Variants in TRAF2 observed in about 807,000 individuals in gnomAD.
The protein encoded by TRAF2 is TNF receptor associated factor 2, also known as TNF receptor-associated factor 2.
TRAF2 carries 6 observed loss-of-function variants against 55.6 expected under a neutral mutation model. That is an observed-to-expected ratio of 0.11 (90% CI 0.06 to 0.21). The LOEUF is 0.21. TRAF2 is among the 10% of genes least tolerant of loss of function. TRAF2 has a pLI of 1.00. For missense variants in TRAF2, 561 were observed against 684.5 expected (o/e 0.82, Z 2.01); for synonymous variants, 329 against 276.3 (o/e 1.19, Z -1.89).
In TRAF2 at chr9:136,898,814, G is replaced by A. The variant is rs770920993; in HGVS notation, c.74G>A (p.Gly25Glu). Residue 25 changes from glycine (G) to glutamate (E), a missense_variant, in exon 2 of 11, where the codon GGG becomes GAG. Coordinates refer to ENST00000247668, the MANE Select transcript of TRAF2 (RefSeq NM_021138.4). ...LQPGFSKTLL[G>E]TKLEAKYLCS... ...CCCGGCTTCTCCAAGACCCTCCTGG[G>A]GACCAAGCTGGAAGCCAAGTACCTG... 6.2e-6 allele frequency: 10 copies of A among 1,613,758 alleles called. No individual in the cohort carries two copies. Among genetic ancestry groups the A allele is most frequent in the Non-Finnish European group, 1.7e-6 (2 of 1,180,038 alleles).
intron 9 of TRAF2, among the ~76,000 whole-genome samples, chr9:136,921,779 G>A (rs986241586): frequency 1.3e-5 from 2 of 152,102 alleles, no homozygotes; most frequent in African/African-American, 4.8e-5. Flanking sequence ...CTGGAGAGGG[G>A]GTGGGGTGGT....
rs117547743 is a variant in TRAF2 at position 136,905,492 on chromosome 9, T to C, written c.367-2578T>C. The stretch of plus-strand genomic sequence containing the variant: ...GGGACAGGGTTTCAGGTTTCTACAA[T>C]GGGAAAGCGTGATGGAGGTAGATGG... On this transcript the variant is annotated intron_variant, in intron 4 of 10. Coordinates refer to ENST00000247668, the MANE Select transcript of TRAF2 (RefSeq NM_021138.4). Among the ~76,000 whole-genome samples, 9 of 152,246 alleles carry C rather than the reference T, an allele frequency of 5.9e-5. No individual in the cohort carries two copies. In the East Asian group the frequency reaches 1.7e-3, roughly 29 times the overall value.
At chr9:136,920,949 T>A in intron 8 of TRAF2, 89 bp from the exon 9 acceptor site, 4 of 1,515,628 alleles carry the variant, frequency 2.6e-6, no homozygotes, top group South Asian at 1.2e-5. Context: ...CCAAGAGCAC[T>A]GTCCTGCTGG....
intron 1 of TRAF2, among the ~76,000 whole-genome samples, chr9:136,889,215 TTC>T (rs1849523018): frequency 6.7e-6 from 1 of 150,288 alleles, no homozygotes; most frequent in Non-Finnish European, 1.5e-5. Context: ...GTGTGGTTTT[TTC>T]TGTTTTTTTT....
chr9:136,890,127 T>C lies in TRAF2; in HGVS notation c.-29+3586T>C, dbSNP rs1443241450. On this transcript the variant is annotated intron_variant, in intron 1 of 10. Transcript: ENST00000247668. ...CCGGTCACCGCGTGTGAGTCCCCAC[T>C]GCACGCTCGTTCAGCCGGTCACCGT... Among the ~76,000 whole-genome samples, 248 of 99,664 alleles carry C rather than the reference T, an allele frequency of 2.5e-3. 4 individuals are homozygous for C. The highest frequency in any genetic ancestry group is 7.5e-3 in the Middle Eastern group (1 of 134). The allele number at this position is 99,664 out of a possible 152,430, so 65.4% of individuals were successfully genotyped here. A position where few individuals can be genotyped will look rare whatever the true frequency, so the allele number is the denominator to read the frequency against.
chr9:136,925,956 G>T lies in TRAF2; in HGVS notation c.*55G>T, dbSNP rs1163410679. The T allele has an allele frequency of 1.2e-6, 2 of 1,601,542 alleles. No homozygotes were observed. Among genetic ancestry groups the T allele is most frequent in the Non-Finnish European group, 8.5e-7 (1 of 1,171,198 alleles). On this transcript the variant is annotated 3_prime_UTR_variant, in exon 11 of 11. Transcript: ENST00000247668. ...GGCAGCCAGGCACAGCCGGCTCACG[G>T]AGGGGCCACCACGCTGGGCCAGGGT...
intron 6 of TRAF2, 97 bp downstream of exon 6, chr9:136,910,091 G>C: frequency 7.7e-7 from 1 of 1,293,844 alleles, no homozygotes; most frequent in African/African-American, 1.5e-5. Flanking sequence ...TATGACCCTT[G>C]TGCCCAAAGG....
rs201247047 is a variant in TRAF2, at chr9:136,923,970, C to T, written c.1257C>T (p.Asp419=). The change falls in exon 10 of 11, where the codon GAC becomes GAT. Residue 419 remains aspartate, a synonymous_variant. Transcript: ENST00000247668. ...LFFVVMKGPN[D]ALLRWPFNQK... is the part of the protein sequence containing the mutation. The stretch of plus-strand genomic sequence containing the variant: ...TTGTGGTGATGAAGGGCCCGAATGA[C>T]GCCCTGCTGCGGTGGCCCTTCAACC... 109 of 1,613,730 alleles carry T rather than the reference C, an allele frequency of 6.8e-5. No individual in the cohort carries two copies. The Admixed American group carries it at 1.2e-3, about 17-fold the overall frequency.
chr9:136,915,187 A>AT (rs1850211709), intron 6 of TRAF2, among the ~76,000 whole-genome samples: 1 of 152,170 alleles, frequency 6.6e-6, no homozygotes, highest in South Asian at 2.1e-4. Flanking sequence ...CTCAAAAAAA[A>AT]GTTTTGTAAT....
chr9:136,911,186 G>A (rs983665675), intron 6 of TRAF2, among the ~76,000 whole-genome samples: 10 of 152,208 alleles, frequency 6.6e-5, no homozygotes, highest in Non-Finnish European at 1.0e-4. Flanking sequence ...GCGCGGTGGT[G>A]TCTGGTGGGT....
At chr9:136,919,469 A>G (rs1003343838) in intron 7 of TRAF2, among the ~76,000 whole-genome samples, 1 of 151,322 alleles carries the variant, frequency 6.6e-6, no homozygotes, top group Non-Finnish European at 1.5e-5. Flanking sequence ...CTAATTTTGT[A>G]TTTTTAGTAG....
intron 4 of TRAF2, 35 bp from the exon 5 acceptor site, chr9:136,908,035 C>G (rs370025066): frequency 1.3e-6 from 2 of 1,575,740 alleles, no homozygotes; most frequent in South Asian, 1.1e-5. Flanking sequence ...ATGTCCCACG[C>G]GAGTTCTACT....
chr9:136,904,919 C>G (rs905143589), intron 4 of TRAF2, among the ~76,000 whole-genome samples: 2 of 152,172 alleles, frequency 1.3e-5, no homozygotes, highest in African/African-American at 4.8e-5. Flanking sequence ...GTTCCTTTAG[C>G]AGGCTTAGCT....
At chr9:136,889,616 T>G (rs1849532389) in intron 1 of TRAF2, 1 of 152,198 alleles carries the variant, frequency 6.6e-6, no homozygotes, top group Non-Finnish European at 1.5e-5. Context: ...TCTTTGCCAT[T>G]TTAACTTTTT....
intron 6 of TRAF2, among the ~76,000 whole-genome samples, chr9:136,911,910 C>T (rs1384476221): frequency 1.7e-5 from 2 of 120,330 alleles, no homozygotes; most frequent in African/African-American, 6.6e-5. Flanking sequence ...AGGGCAGTGG[C>T]GAGATCTCGG....
intron 4 of TRAF2, among the ~76,000 whole-genome samples, chr9:136,901,788 G>A (rs967611190): frequency 1.3e-5 from 2 of 152,142 alleles, no homozygotes; most frequent in Admixed American, 6.5e-5. Flanking sequence ...GGGTGTTACC[G>A]GCTGGGTTGG....
chr9:136,919,243 TAG>T (rs1371766531), intron 7 of TRAF2, among the ~76,000 whole-genome samples: 1 of 148,782 alleles, frequency 6.7e-6, no homozygotes, highest in Non-Finnish European at 1.5e-5. Flanking sequence ...GTAGCTTTAC[TAG>T]AGACAGGGTT....
At chr9:136,907,971 A>C (rs1461926063) in intron 4 of TRAF2, 99 bp from the exon 5 acceptor site, 5 of 1,477,622 alleles carry the variant, frequency 3.4e-6, no homozygotes, top group Non-Finnish European at 4.5e-6. Context: ...GCATGCGGAC[A>C]CCAAGCCAGC....
chr9:136,896,126 G>A (rs1193299267), intron 1 of TRAF2, among the ~76,000 whole-genome samples: 1 of 152,072 alleles, frequency 6.6e-6, no homozygotes, highest in Non-Finnish European at 1.5e-5. Flanking sequence ...CTCTCTAGCT[G>A]TCCCCAGTTC....
Sources: gnomAD v4.1 joint callset for allele counts (sites outside exome capture counted in the v4.1 genomes callset) on GRCh38, gnomAD v4.1.1 for gene constraint, MANE v1.5 for transcripts, NCBI Gene and HGNC (gene_info 2026-07-23, HGNC 2026-07-21) for gene names.